RAB6A: variants seen among roughly 807,000 people sequenced by gnomAD.
RAB6A encodes the protein ras-related protein Rab-6A.
Under a neutral mutation model 32.3 loss-of-function variants are expected in RAB6A, and 8 were observed. The observed-to-expected ratio is 0.25, with a 90% CI of 0.15 to 0.45. The LOEUF is 0.45. Among genes scored for constraint, RAB6A ranks in the 20% least tolerant of loss-of-function variants. The pLI is 1.00. For synonymous variants in RAB6A, 73 were observed against 82.1 expected (o/e 0.89, Z 0.60); for missense variants, 104 against 249.4 (o/e 0.42, Z 3.93).
rs929556393 is a variant in RAB6A, at chr11:73,760,788, C to T, written c.-153G>A. 1.7e-5 allele frequency: 19 copies of T among 1,087,428 alleles called. No homozygotes were observed. Among genetic ancestry groups the T allele is most frequent in the Admixed American group, 4.9e-5 (2 of 40,780 alleles). The allele number at this position is 1,087,428 out of a possible 1,614,324, so 67.4% of individuals were successfully genotyped here. ...GTGGAGGAGCCCGGCTGGAGGGCAG[C>T]AGGACTCTCCACAGACTGGCAGCCG... On this transcript the variant is annotated 5_prime_UTR_variant, in exon 1 of 8. Coordinates refer to ENST00000336083, the MANE Select transcript of RAB6A (RefSeq NM_198896.2).
In RAB6A at chr11:73,713,327, T is replaced by C. The variant is rs1427360745; in HGVS notation, c.401+2924A>G. Reference sequence around the variant, plus strand: ...GGCTCACGCCTGTAATCCCAGCACTTTGGGAGACCAAGGCAGGTGGATCAC... The same window carrying C: ...GGCTCACGCCTGTAATCCCAGCACTCTGGGAGACCAAGGCAGGTGGATCAC... On this transcript the variant is annotated intron_variant, in intron 5 of 7. Coordinates refer to ENST00000336083, the MANE Select transcript of RAB6A (RefSeq NM_198896.2). Among the ~76,000 whole-genome samples the C allele has an allele frequency of 5.3e-5, 8 of 152,328 alleles. No homozygotes were observed. The East Asian group carries it at 1.5e-3, about 29-fold the overall frequency.
chr11:73,728,934 T>G (rs921143660), intron 2 of RAB6A, among the ~76,000 whole-genome samples: 2 of 151,872 alleles, frequency 1.3e-5, no homozygotes, highest in African/African-American at 4.8e-5. Flanking sequence ...ATGTGGGCAG[T>G]TTTTTTTATT....
intron 1 of RAB6A, among the ~76,000 whole-genome samples, chr11:73,740,958 G>T (rs532381506): frequency 1.4e-4 from 21 of 151,996 alleles, no homozygotes; most frequent in African/African-American, 5.1e-4. Context: ...AATGAATGTG[G>T]TTGTATAGAA....
At position 73,678,737 on chromosome 11, in the gene RAB6A, G is replaced by C. The variant is rs1490661494; in HGVS notation, c.563-775C>G. ...ATGTTGTTGTTGTGTTTTTTTTTTTGGGGGGGGAATGGAGTTTCGATCCTG... is the reference window on the plus strand; with the variant it reads ...ATGTTGTTGTTGTGTTTTTTTTTTTCGGGGGGGAATGGAGTTTCGATCCTG... On this transcript the variant is annotated intron_variant, in intron 7 of 7. Transcript: ENST00000336083. Among the ~76,000 whole-genome samples, 52 of 146,342 alleles carry C rather than the reference G, an allele frequency of 3.6e-4. 1 individual carries two copies. The highest frequency in any genetic ancestry group is 1.4e-4 in the Admixed American group (2 of 14,648).
chr11:73,760,122 A>G (rs1272039860), intron 1 of RAB6A: 1 of 1,292,294 alleles, frequency 7.7e-7, no homozygotes, highest in Admixed American at 2.3e-5. Flanking sequence ...TCCTTGGCCA[A>G]GGTTGAAGAG....
At position 73,675,743 on chromosome 11, in the gene RAB6A, G is replaced by A. The variant is rs1317360940; in HGVS notation, c.*2155C>T. On this transcript the variant is annotated 3_prime_UTR_variant, in exon 8 of 8. Transcript: ENST00000336083. ...ACTTCAATGCTTTGAAGAACTCCAAGCCAAATAAAAAGACCAATCAATATT... is the reference window on the plus strand; with the variant it reads ...ACTTCAATGCTTTGAAGAACTCCAAACCAAATAAAAAGACCAATCAATATT... 19 of 160,696 alleles carry A rather than the reference G, an allele frequency of 1.2e-4. No individual in the cohort carries two copies. Among genetic ancestry groups the A allele is most frequent in the African/African-American group, 4.6e-4 (19 of 41,208 alleles). The allele number at this position is 160,696 out of a possible 1,614,324, so 10.0% of individuals were successfully genotyped here.
At chr11:73,707,382 T>A in intron 6 of RAB6A, 38 bp downstream of exon 6, 1 of 1,430,432 alleles carries the variant, frequency 7.0e-7, no homozygotes, top group South Asian at 1.2e-5. Context: ...CACAATTATT[T>A]CATATTTTTT....
intron 6 of RAB6A, among the ~76,000 whole-genome samples, chr11:73,705,564 AAT>A (rs1945825535): frequency 1.3e-5 from 2 of 152,012 alleles, no homozygotes; most frequent in Admixed American, 1.3e-4. Flanking sequence ...AAAATAAATA[AAT>A]ATAAGAGAAA....
intron 2 of RAB6A, among the ~76,000 whole-genome samples, chr11:73,724,981 G>T (rs973737693): frequency 8.5e-5 from 13 of 152,204 alleles, no homozygotes; most frequent in African/African-American, 2.9e-4. Context: ...AAAGAATAAT[G>T]AAGATGTTGA....
intron 6 of RAB6A, among the ~76,000 whole-genome samples, chr11:73,703,862 T>C (rs1328247162): frequency 6.6e-6 from 1 of 151,650 alleles, no homozygotes; most frequent in African/African-American, 2.4e-5. Context: ...GAGGTCAGGA[T>C]CATATAAAAA....
chr11:73,681,658 A>T (rs2134863365), intron 6 of RAB6A, among the ~76,000 whole-genome samples: 1 of 152,306 alleles, frequency 6.6e-6, no homozygotes, highest in South Asian at 2.1e-4. Flanking sequence ...AGAATACAAA[A>T]ATTAGCCAGG....
chr11:73,746,285 T>C (rs1270824220), intron 1 of RAB6A, among the ~76,000 whole-genome samples: 1 of 152,204 alleles, frequency 6.6e-6, no homozygotes, highest in East Asian at 1.9e-4. Context: ...TCATTCAAGC[T>C]GTATATTTAT....
intron 6 of RAB6A, among the ~76,000 whole-genome samples, chr11:73,691,507 G>T (rs969469342): frequency 3.9e-5 from 6 of 152,190 alleles, no homozygotes; most frequent in Non-Finnish European, 7.3e-5. Context: ...TGCACTGATT[G>T]TAATAGCCTA....
At chr11:73,741,157 A>G (rs1296717826) in intron 1 of RAB6A, among the ~76,000 whole-genome samples, 1 of 147,968 alleles carries the variant, frequency 6.8e-6, no homozygotes, top group Non-Finnish European at 1.5e-5. Flanking sequence ...CCACCCCCCC[A>G]ACAGAGTCTT....
chr11:73,722,777 T>TA (rs1946161711), intron 2 of RAB6A: 1 of 152,208 alleles, frequency 6.6e-6, no homozygotes, highest in Admixed American at 6.5e-5. Flanking sequence ...TTGCCCCATT[T>TA]AGTTCTCATT....
chr11:73,683,311 A>G (rs868534666), intron 6 of RAB6A, among the ~76,000 whole-genome samples: 1 of 136,596 alleles, frequency 7.3e-6, no homozygotes. Flanking sequence ...GCTGGAGTGC[A>G]GTGGCACAAT....
At chr11:73,736,564 G>A (rs549097444) in intron 1 of RAB6A, among the ~76,000 whole-genome samples, 4 of 152,160 alleles carry the variant, frequency 2.6e-5, no homozygotes, top group Admixed American at 2.0e-4. Flanking sequence ...GGCCAAGGTG[G>A]GTAGATCACC....
chr11:73,679,851 G>C, intron 6 of RAB6A, 131 bp from the exon 7 acceptor site: 1 of 1,201,124 alleles, frequency 8.3e-7, no homozygotes, highest in Non-Finnish European at 1.2e-6. Flanking sequence ...CAGCACTTTG[G>C]GACCCACCCG....
At chr11:73,713,661 T>A (rs915870042) in intron 5 of RAB6A, among the ~76,000 whole-genome samples, 3 of 152,176 alleles carry the variant, frequency 2.0e-5, no homozygotes, top group African/African-American at 7.2e-5. Flanking sequence ...TTCAAACTTA[T>A]CAATCATTCC....
Sources: allele counts gnomAD v4.1 joint callset (sites outside exome capture counted in the v4.1 genomes callset), GRCh38; gene constraint gnomAD v4.1.1; transcripts MANE v1.5; gene names NCBI Gene and HGNC (gene_info 2026-07-23, HGNC 2026-07-21).